SLC2A13: variants seen among roughly 807,000 people sequenced by gnomAD.
SLC2A13 encodes the protein proton myo-inositol cotransporter.
A neutral mutation model predicts 64.4 loss-of-function variants in SLC2A13; 32 were observed. That is an observed-to-expected ratio of 0.50 (90% CI 0.37 to 0.67). The LOEUF (loss-of-function observed/expected upper bound fraction) is 0.67, where lower values mean the gene tolerates loss of function less well. SLC2A13 is among the 30% of genes least tolerant of loss of function. SLC2A13 has a pLI of 0.00. For missense variants in SLC2A13, 743 were observed against 829.2 expected (o/e 0.90, Z 1.28); for synonymous variants, 338 against 327.1 (o/e 1.03, Z -0.36).
chr12:39,798,562 C>A (rs1297486272), intron 7 of SLC2A13, among the ~76,000 whole-genome samples: 3 of 152,230 alleles, frequency 2.0e-5, no homozygotes, highest in Non-Finnish European at 2.9e-5. Flanking sequence ...AGCGCTTCAA[C>A]TGTTTCTAAC....
intron 1 of SLC2A13, among the ~76,000 whole-genome samples, chr12:40,076,772 CTGTA>C (rs374001665): frequency 6.6e-6 from 1 of 152,118 alleles, no homozygotes; most frequent in Admixed American, 6.5e-5. Context: ...ACCACCAGCA[CTGTA>C]TGTGTTTCCT....
At chr12:39,853,550 T>C (rs1473603529) in intron 6 of SLC2A13, among the ~76,000 whole-genome samples, 1 of 147,394 alleles carries the variant, frequency 6.8e-6, no homozygotes, top group African/African-American at 2.7e-5. Context: ...TTTTCTTTTC[T>C]TTCTTTCTTT....
intron 7 of SLC2A13, among the ~76,000 whole-genome samples, chr12:39,785,147 G>C (rs1941140160): frequency 6.6e-6 from 1 of 152,112 alleles, no homozygotes. Flanking sequence ...ATGTCTCCAG[G>C]CCACTTCAGA....
At chr12:39,847,546 C>T (rs1356551618) in intron 6 of SLC2A13, among the ~76,000 whole-genome samples, 3 of 152,026 alleles carry the variant, frequency 2.0e-5, no homozygotes, top group Admixed American at 6.6e-5. Context: ...GAATGCTATG[C>T]TGGTAGAACT....
chr12:40,070,215 T>C (rs1266547044), intron 1 of SLC2A13, among the ~76,000 whole-genome samples: 1 of 149,416 alleles, frequency 6.7e-6, no homozygotes, highest in Non-Finnish European at 1.5e-5. Context: ...GGGTAAAGAG[T>C]GCCCTGACAA....
intron 4 of SLC2A13, among the ~76,000 whole-genome samples, chr12:39,898,378 T>C (rs1944984467): frequency 6.6e-6 from 1 of 152,182 alleles, no homozygotes; most frequent in Non-Finnish European, 1.5e-5. Flanking sequence ...GTTTAGGTTC[T>C]ACAAATCTCA....
intron 1 of SLC2A13, among the ~76,000 whole-genome samples, chr12:40,059,067 T>G (rs1324579934): frequency 2.0e-5 from 3 of 152,214 alleles, no homozygotes; most frequent in African/African-American, 4.8e-5. Flanking sequence ...ATCACTTATT[T>G]CTGCTGCAGT....
chr12:39,805,050 C>CTGCTGGAGGGAGAAGCT, intron 7 of SLC2A13, among the ~76,000 whole-genome samples: 1 of 151,448 alleles, frequency 6.6e-6, no homozygotes, highest in South Asian at 2.1e-4. Context: ...AGGGAGAAGC[C>CTGCTGGAGGGAGAAGCT]TGCTGGAGAG....
rs1383390636 is a variant in SLC2A13 at position 39,933,926 on chromosome 12, G to A, written c.1034+17331C>T. ...TACTCAAGGTAGCACAAGTGGTCAG[G>A]AAACAAGAAATTTGATTCCAGGTCT... On this transcript the variant is annotated intron_variant, in intron 4 of 9. Coordinates refer to ENST00000280871, the MANE Select transcript of SLC2A13 (RefSeq NM_052885.4). Among the ~76,000 whole-genome samples the A allele has an allele frequency of 4.6e-5, 7 of 152,144 alleles. No homozygotes were observed. In the East Asian group the frequency reaches 1.3e-3, roughly 29 times the overall value.
intron 1 of SLC2A13, among the ~76,000 whole-genome samples, chr12:40,094,507 A>G (rs1465369570): frequency 6.6e-6 from 1 of 152,174 alleles, no homozygotes; most frequent in African/African-American, 2.4e-5. Context: ...GCCCATAAAG[A>G]CATGATTTAC....
intron 1 of SLC2A13, among the ~76,000 whole-genome samples, chr12:40,071,932 A>G (rs1014734599): frequency 1.3e-5 from 2 of 151,904 alleles, no homozygotes; most frequent in African/African-American, 4.8e-5. Flanking sequence ...TTCCACTCCA[A>G]TATTTACTAT....
intron 6 of SLC2A13, among the ~76,000 whole-genome samples, chr12:39,832,642 A>G (rs1205474885): frequency 6.6e-6 from 1 of 152,104 alleles, no homozygotes; most frequent in Non-Finnish European, 1.5e-5. Context: ...TGAATAAAAC[A>G]GTCACTGCCC....
chr12:40,033,418 G>C (rs1014794931), intron 2 of SLC2A13, among the ~76,000 whole-genome samples: 2 of 152,220 alleles, frequency 1.3e-5, no homozygotes, highest in Non-Finnish European at 1.5e-5. Flanking sequence ...AGCAAAGCTG[G>C]CTGGCTGGGA....
At chr12:39,827,948 T>C (rs533126131) in intron 7 of SLC2A13, among the ~76,000 whole-genome samples, 1 of 152,228 alleles carries the variant, frequency 6.6e-6, no homozygotes, top group South Asian at 2.1e-4. Flanking sequence ...ACACTCGACC[T>C]TGAAATATCT....
chr12:39,988,312 C>G (rs1023192051), intron 3 of SLC2A13, among the ~76,000 whole-genome samples: 3 of 151,782 alleles, frequency 2.0e-5, no homozygotes, highest in Non-Finnish European at 2.9e-5. Flanking sequence ...TATCAATATT[C>G]TAATCATCAA....
At position 40,040,622 on chromosome 12, in the gene SLC2A13, C is replaced by T. The variant is rs980294106; in HGVS notation, c.716+7429G>A. ...GGGCAGGGTGGTCTCGAACTCCTGA[C>T]CTCAGGTGATCCACCAGCTTTGGCC... On this transcript the variant is annotated intron_variant, in intron 2 of 9. Coordinates refer to ENST00000280871, the MANE Select transcript of SLC2A13 (RefSeq NM_052885.4). Among the ~76,000 whole-genome samples, 5 of 152,128 alleles carry T rather than the reference C, an allele frequency of 3.3e-5. No homozygotes were observed. In the East Asian group the frequency reaches 9.7e-4, roughly 29 times the overall value.
At chr12:39,839,246 A>T (rs1465330195) in intron 6 of SLC2A13, among the ~76,000 whole-genome samples, 1 of 152,032 alleles carries the variant, frequency 6.6e-6, no homozygotes, top group Non-Finnish European at 1.5e-5. Flanking sequence ...TGAAGGACAG[A>T]TTCCTATATC....
At chr12:40,023,537 G>A (rs140364958) in intron 3 of SLC2A13, among the ~76,000 whole-genome samples, 54 of 152,298 alleles carry the variant, frequency 3.5e-4, no homozygotes, top group African/African-American at 1.2e-3. Flanking sequence ...CTCATTTCTG[G>A]ATTGTTCCCT....
intron 7 of SLC2A13, among the ~76,000 whole-genome samples, chr12:39,827,243 G>A (rs1465749627): frequency 6.6e-6 from 1 of 152,064 alleles, no homozygotes; most frequent in South Asian, 2.1e-4. Flanking sequence ...CAAAGGCAGT[G>A]TGAAATGAGA....
Sources: gnomAD v4.1 joint callset for allele counts (sites outside exome capture counted in the v4.1 genomes callset) on GRCh38, gnomAD v4.1.1 for gene constraint, MANE v1.5 for transcripts, NCBI Gene and HGNC (gene_info 2026-07-23, HGNC 2026-07-21) for gene names.